RYR1: variants seen among roughly 807,000 people sequenced by gnomAD.
RYR1 encodes central core disease of muscle.
RYR1 carries 342 observed loss-of-function variants against 583.5 expected under a neutral mutation model. The observed-to-expected ratio is 0.59, with a 90% CI of 0.54 to 0.64. The LOEUF is 0.64. Among genes scored for constraint, RYR1 ranks in the 30% least tolerant of loss-of-function variants. RYR1 has a pLI of 0.00. For missense variants in RYR1, 6,032 were observed against 6,917.2 expected (o/e 0.87, Z 4.54); for synonymous variants, 2,791 against 2,822.5 (o/e 0.99, Z 0.35).
Position 38,575,924 on chromosome 19 carries a change from T to A in RYR1, c.14135T>A (p.Phe4712Tyr). The change falls in exon 97 of 106, where the codon TTC (phenylalanine) becomes TAC (tyrosine). Residue 4712 changes from phenylalanine (F) to tyrosine (Y), a missense_variant. Phe to Tyr is a conservative substitution (Grantham distance 22). Around this residue, in one of 11 missense-constraint regions of RYR1, gnomAD observed 188 missense variants for 215.6 expected, o/e 0.87. Coordinates refer to ENST00000359596, the MANE Select transcript of RYR1 (RefSeq NM_000540.3). ...WDRLVLNTPSFPSNYWDKFVK... is the reference protein window; with the variant it reads ...WDRLVLNTPSYPSNYWDKFVK... ...TTCTCTCTCTCTCTCTGCAGGTCTT[T>A]CCCTAGCAACTACTGGGACAAGTTT... is the stretch of plus-strand genomic sequence containing the variant. 6.2e-7 allele frequency: 1 copy of A among 1,614,192 alleles called. No individual in the cohort carries two copies. The highest frequency in any genetic ancestry group is 1.1e-5 in the South Asian group (1 of 91,084).
intron 57 of RYR1, among the ~76,000 whole-genome samples, 187 bp downstream of exon 57, chr19:38,507,139 C>A (rs936482585): frequency 7.5e-6 from 1 of 132,830 alleles, no homozygotes; most frequent in African/African-American, 3.1e-5. Flanking sequence ...GGGAGGAGTT[C>A]GAAATGGGCG....
At position 38,483,079 on chromosome 19, in the gene RYR1, A is replaced by G; in HGVS notation, c.4673A>G (p.Gln1558Arg). Residue 1558 changes from glutamine (Q) to arginine (R), a missense_variant, in exon 32 of 106, where the codon CAG (glutamine) becomes CGG (arginine). Around this residue, in one of 11 missense-constraint regions of RYR1, gnomAD observed 2,627 missense variants for 2,961.3 expected, o/e 0.89. Transcript: ENST00000359596. This position sits in a 1 kb window ranked among gnomAD's most constrained non-coding sequence, Gnocchi z 6.3. ...FPAVFVLPTH[Q>R]NVIQFELGKQ... is the part of the protein sequence containing the mutation. ...GCCGTCTTCGTCCTGCCCACCCACC[A>G]GAACGTCATCCAGTTTGAGCTGGGG... 2 of 1,614,108 alleles carry G rather than the reference A, an allele frequency of 1.2e-6. No individual in the cohort carries two copies. Among genetic ancestry groups the G allele is most frequent in the Non-Finnish European group, 1.7e-6 (2 of 1,180,014 alleles).
intron 1 of RYR1, 101 bp downstream of exon 1, chr19:38,433,975 G>A: frequency 1.0e-6 from 1 of 986,370 alleles, no homozygotes; most frequent in East Asian, 2.4e-5. Context: ...GGTGGTCTCT[G>A]AGACTCGAGG....
chr19:38,467,907 C>T lies in RYR1; in HGVS notation c.3381+95C>T, dbSNP rs141758809. 2.8e-3 allele frequency: 3,298 copies of T among 1,176,802 alleles called. 22 individuals carry two copies. The highest frequency in any genetic ancestry group is 0.015 in the South Asian group (1,120 of 75,718). 72.9% of individuals were successfully genotyped at this position (1,176,802 alleles called of 1,614,324 possible). A position where few individuals can be genotyped will look rare whatever the true frequency, so the allele number is the denominator to read the frequency against. On this transcript the variant is annotated intron_variant, in intron 25 of 105. Coordinates refer to ENST00000359596, the MANE Select transcript of RYR1 (RefSeq NM_000540.3). ...TGCCTCTGTCTGTGCCTCACTCTGT[C>T]CCCACTTCATGCATCTACTGTACCA...
rs1568484483 is a variant in RYR1 at position 38,485,805 on chromosome 19, T to A, written c.5150T>A (p.Ile1717Asn). Residue 1717 changes from isoleucine (I) to asparagine (N), a missense_variant, in exon 34 of 106, where the codon ATC becomes AAC. Transcript: ENST00000359596. Reference sequence around the variant, plus strand: ...GGCTACTATGACCTCCTCATCAGCATCCACCTCGAAAGTGCCTGCCGCAGC... The same window carrying A: ...GGCTACTATGACCTCCTCATCAGCAACCACCTCGAAAGTGCCTGCCGCAGC... ...RAGYYDLLIS[I>N]HLESACRSRR... The A allele has an allele frequency of 6.2e-7, 1 of 1,613,364 alleles. No individual in the cohort carries two copies. Among genetic ancestry groups the A allele is most frequent in the Non-Finnish European group, 8.5e-7 (1 of 1,179,970 alleles).
intron 42 of RYR1, among the ~76,000 whole-genome samples, chr19:38,498,728 T>C (rs1165824273): frequency 6.6e-6 from 1 of 152,150 alleles, no homozygotes; most frequent in Non-Finnish European, 1.5e-5. Context: ...GTGGCGCTGG[T>C]GGGAGTGCAG....
chr19:38,447,143 C>T (rs974716070), intron 9 of RYR1, among the ~76,000 whole-genome samples: 4 of 151,940 alleles, frequency 2.6e-5, no homozygotes, highest in Non-Finnish European at 1.5e-5. Flanking sequence ...GAGGATCACT[C>T]GAGCCCAGCG....
chr19:38,440,658 C>G, intron 1 of RYR1, 87 bp from the exon 2 acceptor site: 1 of 1,510,536 alleles, frequency 6.6e-7, no homozygotes, highest in Non-Finnish European at 9.1e-7. Flanking sequence ...TTCATAAGGA[C>G]CAGGGTGGGA....
chr19:38,570,529 C>T (rs111512034), intron 93 of RYR1, 78 bp from the exon 94 acceptor site: 32 of 989,068 alleles, frequency 3.2e-5, no homozygotes, highest in Admixed American at 2.6e-4. Context: ...ACTTTGATTG[C>T]AGGTAAATGA....
Position 38,567,921 on chromosome 19 carries a change from A to C in RYR1, c.13659+4A>C. ...GGTGCAGAGGGTGAAGTTCCTGGTAAGGATCCAGCCAGGTCACCTGAACCT... is the reference window on the plus strand; with the variant it reads ...GGTGCAGAGGGTGAAGTTCCTGGTACGGATCCAGCCAGGTCACCTGAACCT... On this transcript the variant is annotated splice_donor_region_variant and intron_variant, in intron 93 of 105. Coordinates refer to ENST00000359596, the MANE Select transcript of RYR1 (RefSeq NM_000540.3). 6.2e-7 allele frequency: 1 copy of C among 1,613,016 alleles called. No homozygotes were observed. The highest frequency in any genetic ancestry group is 1.3e-5 in the African/African-American group (1 of 75,012).
At position 38,483,509 on chromosome 19, in the gene RYR1, G is replaced by A. The variant is rs1197255639; in HGVS notation, c.4927G>A (p.Glu1643Lys). Residue 1643 changes from glutamate (E) to lysine (K), a missense_variant, in exon 33 of 106, where the codon GAG becomes AAG. Transcript: ENST00000359596. The surrounding 1 kb of genome is among the most constrained non-coding windows in gnomAD (Gnocchi z 6.3). Reference protein sequence around the residue: ...LTMMALHIPEENRCMDILELS... With the variant: ...LTMMALHIPEKNRCMDILELS... ...CATGATGGCGCTGCACATCCCCGAG[G>A]AGAACCGGTCAGGGCCAGCCCAGCT... 1 of 1,548,460 alleles carries A rather than the reference G, an allele frequency of 6.5e-7. No homozygotes were observed. Among genetic ancestry groups the A allele is most frequent in the Admixed American group, 1.9e-5 (1 of 51,606 alleles).
At chr19:38,582,894 G>C (rs1186846860) in intron 101 of RYR1, among the ~76,000 whole-genome samples, 3 of 152,128 alleles carry the variant, frequency 2.0e-5, no homozygotes, top group Non-Finnish European at 4.4e-5. Flanking sequence ...GACATCTGAG[G>C]CTCTTCCAGA....
intron 57 of RYR1, 39 bp from the exon 58 acceptor site, chr19:38,507,673 G>T: frequency 1.5e-6 from 2 of 1,292,354 alleles, no homozygotes; most frequent in South Asian, 1.2e-5. Flanking sequence ...CTGTAGGGCC[G>T]GCGTCTGGGC....
Position 38,477,718 on chromosome 19 carries a change from C to T in RYR1, c.4302C>T (p.Tyr1434=). 6.2e-7 allele frequency: 1 copy of T among 1,614,174 alleles called. No homozygotes were observed. Among genetic ancestry groups the T allele is most frequent in the Non-Finnish European group, 8.5e-7 (1 of 1,180,034 alleles). The change falls in exon 30 of 106, where the codon TAC becomes TAT. Residue 1434 remains tyrosine, a synonymous_variant. Transcript: ENST00000359596. ...EIILNTTTYY[Y]SVRVFAGQEP... Reference sequence around the variant, plus strand: ...CCTCCTTGTGTCACCAGTACTATTACTCCGTGAGGGTCTTTGCTGGACAGG... The same window carrying T: ...CCTCCTTGTGTCACCAGTACTATTATTCCGTGAGGGTCTTTGCTGGACAGG...
intron 16 of RYR1, 40 bp from the exon 17 acceptor site, chr19:38,457,457 G>C: frequency 6.2e-7 from 1 of 1,613,896 alleles, no homozygotes; most frequent in African/African-American, 1.3e-5. Flanking sequence ...ATCCTGCCCT[G>C]GTGCCTACAC....
chr19:38,581,813 G>A (rs949716447), intron 101 of RYR1, among the ~76,000 whole-genome samples: 9 of 150,472 alleles, frequency 6.0e-5, no homozygotes, highest in Non-Finnish European at 7.4e-5. Context: ...TCACAATGTT[G>A]GCCAGGCTTG....
At chr19:38,531,153 C>T (rs529046220) in intron 76 of RYR1, among the ~76,000 whole-genome samples, 1 of 152,046 alleles carries the variant, frequency 6.6e-6, no homozygotes, top group East Asian at 1.9e-4. Context: ...CTCTTTATCT[C>T]TCTGGTGAGC....
At chr19:38,524,690 T>C (rs886429312) in intron 70 of RYR1, among the ~76,000 whole-genome samples, 7 of 152,266 alleles carry the variant, frequency 4.6e-5, no homozygotes, top group Non-Finnish European at 1.0e-4. Context: ...TGGATGTCTC[T>C]TGCATCTTTG....
At chr19:38,503,772 C>CAA (rs11375717) in intron 49 of RYR1, among the ~76,000 whole-genome samples, 4,648 of 129,600 alleles carry the variant, frequency 0.036, 201 homozygotes, top group African/African-American at 0.1. Context: ...GACTCCACCT[C>CAA]AAAAAAAAAA....
Sources: allele counts gnomAD v4.1 joint callset (sites outside exome capture counted in the v4.1 genomes callset), GRCh38; gene constraint gnomAD v4.1.1; regional missense constraint gnomAD v4.1.1; non-coding constraint Gnocchi (gnomAD v3.1); transcripts MANE v1.5; gene names NCBI Gene and HGNC (gene_info 2026-07-23, HGNC 2026-07-21).